SPRED2: variants seen among roughly 807,000 people sequenced by gnomAD.
SPRED2 encodes sprouty related EVH1 domain containing 2.
SPRED2 carries 47 observed loss-of-function variants against 43.0 expected under a neutral mutation model. That is an observed-to-expected ratio of 1.09 (90% CI 0.87 to 1.40). The LOEUF is 1.40. Ranked by LOEUF, SPRED2 falls within the 40% of genes most tolerant of loss-of-function variation. The pLI, the probability that SPRED2 is intolerant of heterozygous loss-of-function variation, is 0.00. For synonymous variants in SPRED2, 225 were observed against 225.7 expected (o/e 1.00, Z 0.03); for missense variants, 561 against 586.4 (o/e 0.96, Z 0.45).
chr2:65,362,279 G>GT (rs1171393135), intron 1 of SPRED2, among the ~76,000 whole-genome samples: 7 of 151,102 alleles, frequency 4.6e-5, no homozygotes, highest in South Asian at 2.1e-4. Flanking sequence ...TTTTGTTTTT[G>GT]TTTTTTTTGA....
At position 65,312,466 on chromosome 2, in the gene SPRED2, C is replaced by G. The variant is rs555573517; in HGVS notation, c.*1035G>C. The G allele has an allele frequency of 2.8e-5, 28 of 985,392 alleles. 1 individual carries two copies. The East Asian group carries it at 2.8e-3, about 100-fold the overall frequency. The allele number at this position is 985,392 out of a possible 1,614,324, so 61.0% of individuals were successfully genotyped here. A position where few individuals can be genotyped will look rare whatever the true frequency, so the allele number is the denominator to read the frequency against. On this transcript the variant is annotated 3_prime_UTR_variant, in exon 6 of 6. Transcript: ENST00000356388. ...ATAGCCAGGGGTTGGGGGGAAGAAG[C>G]TCCCTATGGTTTTATTCACCATAAC...
chr2:65,319,683 A>C (rs1391008407), intron 4 of SPRED2, among the ~76,000 whole-genome samples: 7 of 149,458 alleles, frequency 4.7e-5, no homozygotes, highest in African/African-American at 1.2e-4. Context: ...CTCACAAACA[A>C]CTCTTCTTGG....
intron 1 of SPRED2, among the ~76,000 whole-genome samples, chr2:65,352,945 G>T (rs916250701): frequency 6.6e-6 from 1 of 152,152 alleles, no homozygotes; most frequent in Non-Finnish European, 1.5e-5. Context: ...TTAAAAATAT[G>T]TTATCTTCAT....
At chr2:65,397,104 A>C (rs1477158831) in intron 1 of SPRED2, among the ~76,000 whole-genome samples, 1 of 152,244 alleles carries the variant, frequency 6.6e-6, no homozygotes. Context: ...CCATCAGAAA[A>C]GGGAAAAGGA....
In SPRED2 at chr2:65,361,485, T is replaced by A. The variant is rs528706126; in HGVS notation, c.27-16589A>T. On this transcript the variant is annotated intron_variant, in intron 1 of 5. Coordinates refer to ENST00000356388, the MANE Select transcript of SPRED2 (RefSeq NM_181784.3). ...TAATCCTTAGGCAGTTCTACTTTAA[T>A]AGAAAGAACACTTACAATGTCTACA... 2.6e-5 allele frequency among the ~76,000 whole-genome samples: 4 copies of A among 152,380 alleles called. No individual in the cohort carries two copies. In the East Asian group the frequency reaches 7.7e-4, roughly 29 times the overall value.
At position 65,313,197 on chromosome 2, in the gene SPRED2, T is replaced by G. The variant is rs749065824; in HGVS notation, c.*304A>C. The stretch of plus-strand genomic sequence containing the variant: ...AGGAAACAGGAAATCAACACATGGA[T>G]GAGACAGTTAGCTTGGTTACAGATT... On this transcript the variant is annotated 3_prime_UTR_variant, in exon 6 of 6. Coordinates refer to ENST00000356388, the MANE Select transcript of SPRED2 (RefSeq NM_181784.3). The G allele has an allele frequency of 2.0e-5, 22 of 1,101,536 alleles. No homozygotes were observed. The highest frequency in any genetic ancestry group is 2.4e-5 in the Non-Finnish European group (22 of 904,616). 68.2% of individuals were successfully genotyped at this position (1,101,536 alleles called of 1,614,324 possible). A position where few individuals can be genotyped will look rare whatever the true frequency, so the allele number is the denominator to read the frequency against.
intron 2 of SPRED2, among the ~76,000 whole-genome samples, chr2:65,335,099 T>G (rs1180955321): frequency 6.6e-6 from 1 of 152,220 alleles, no homozygotes; most frequent in Non-Finnish European, 1.5e-5. Flanking sequence ...TGCTTTTATG[T>G]TGGGGTTTTT....
At position 65,314,149 on chromosome 2, in the gene SPRED2, G is replaced by A. The variant is rs754217601; in HGVS notation, c.609C>T (p.Arg203=). The A allele has an allele frequency of 1.9e-6, 3 of 1,598,074 alleles. No homozygotes were observed. Among genetic ancestry groups the A allele is most frequent in the Admixed American group, 1.7e-5 (1 of 59,642 alleles). Residue 203 remains arginine, a synonymous_variant, in exon 6 of 6, where the codon CGC becomes CGT. Coordinates refer to ENST00000356388, the MANE Select transcript of SPRED2 (RefSeq NM_181784.3). ...HLDQPMPRPY[R]QVSFPDDDEE... is the part of the protein sequence containing the mutation. ...CGTCGTCGTCCGGGAAGCTCACCTG[G>A]CGGTAGGGCCTTGGCATCGGCTGTC...
At chr2:65,338,065 G>C (rs1572849683) in intron 2 of SPRED2, among the ~76,000 whole-genome samples, 1 of 152,168 alleles carries the variant, frequency 6.6e-6, no homozygotes, top group Admixed American at 6.6e-5. Context: ...ACTCAGTGGA[G>C]CACTATTTTT....
Position 65,338,454 on chromosome 2 carries a change from C to A in SPRED2, c.205-3681G>T, listed in dbSNP as rs908343393. ...CTGCGATTGCAGGCGCGCGCCGCCA[C>A]GCCTGACTGGTTTTTGTGTTTTTTT... is the stretch of plus-strand genomic sequence containing the variant. On this transcript the variant is annotated intron_variant, in intron 2 of 5. Coordinates refer to ENST00000356388, the MANE Select transcript of SPRED2 (RefSeq NM_181784.3). 5.7e-4 allele frequency among the ~76,000 whole-genome samples: 86 copies of A among 151,432 alleles called. 2 individuals carry two copies. In the East Asian group the frequency reaches 0.016, roughly 29 times the overall value.
In SPRED2 at chr2:65,322,292, A is replaced by ATTTTTTTT. The variant is rs1490204181; in HGVS notation, c.439-5410_439-5409insAAAAAAAA. 1.6e-4 allele frequency among the ~76,000 whole-genome samples: 11 copies of ATTTTTTTT among 70,790 alleles called. 1 individual carries two copies. The highest frequency in any genetic ancestry group is 6.5e-4 in the African/African-American group (9 of 13,898). The allele number at this position is 70,790 out of a possible 152,430, so 46.4% of individuals were successfully genotyped here. A position where few individuals can be genotyped will look rare whatever the true frequency, so the allele number is the denominator to read the frequency against. On this transcript the variant is annotated intron_variant, in intron 4 of 5. Transcript: ENST00000356388. ...TCTCTATATATATATATATATATAT[A>ATTTTTTTT]TATTTTTTTTTTTTTTTTTGAGACG...
intron 1 of SPRED2, among the ~76,000 whole-genome samples, chr2:65,384,162 G>A (rs763866076): frequency 2.6e-5 from 4 of 151,814 alleles, no homozygotes; most frequent in African/African-American, 4.8e-5. Context: ...GCCCAGAGCC[G>A]GCCTATCTCC....
At chr2:65,411,013 C>T (rs776125603) in intron 1 of SPRED2, among the ~76,000 whole-genome samples, 22 of 152,186 alleles carry the variant, frequency 1.4e-4, no homozygotes, top group Non-Finnish European at 1.3e-4. Context: ...TGTGGAAAAC[C>T]TATCAGAGGA....
At position 65,323,792 on chromosome 2, in the gene SPRED2, C is replaced by T. The variant is rs574715213; in HGVS notation, c.439-6909G>A. On this transcript the variant is annotated intron_variant, in intron 4 of 5. Coordinates refer to ENST00000356388, the MANE Select transcript of SPRED2 (RefSeq NM_181784.3). The stretch of plus-strand genomic sequence containing the variant: ...TCGGGAGGCTGAGGCAGGAGAATGG[C>T]GTGAACGTGGGAGGAAGAGGTTGCA... 1.9e-4 allele frequency among the ~76,000 whole-genome samples: 29 copies of T among 152,154 alleles called. No individual in the cohort carries two copies. In the East Asian group the frequency reaches 4.3e-3, roughly 22 times the overall value.
chr2:65,402,274 G>T (rs1241119735), intron 1 of SPRED2, among the ~76,000 whole-genome samples: 1 of 69,774 alleles, frequency 1.4e-5, no homozygotes, highest in Non-Finnish European at 2.4e-5. Context: ...GTGAGACTCT[G>T]TCTCAAAAAA....
In SPRED2 at chr2:65,432,386, G is replaced by A; in HGVS notation, c.-399C>T. On this transcript the variant is annotated 5_prime_UTR_variant, in exon 1 of 6. Coordinates refer to ENST00000356388, the MANE Select transcript of SPRED2 (RefSeq NM_181784.3). The stretch of plus-strand genomic sequence containing the variant: ...GCCGCGGGTGGGGGGGCTCAGTCCG[G>A]GGTCGCCCCCGGGGGGCCGGGCCAA... 5.5e-6 allele frequency: 1 copy of A among 182,442 alleles called. No homozygotes were observed. The highest frequency in any genetic ancestry group is 2.4e-3 in the Middle Eastern group (1 of 418). 11.3% of individuals were successfully genotyped at this position (182,442 alleles called of 1,614,324 possible). A position where few individuals can be genotyped will look rare whatever the true frequency, so the allele number is the denominator to read the frequency against.
At chr2:65,318,047 C>A (rs535693148) in intron 4 of SPRED2, among the ~76,000 whole-genome samples, 12 of 152,218 alleles carry the variant, frequency 7.9e-5, no homozygotes, top group African/African-American at 2.6e-4. Flanking sequence ...GTGGGAGGGA[C>A]CTGCTGGGAG....
chr2:65,376,490 G>A (rs1463441282), intron 1 of SPRED2, among the ~76,000 whole-genome samples: 1 of 151,940 alleles, frequency 6.6e-6, no homozygotes, highest in Non-Finnish European at 1.5e-5. Flanking sequence ...ATATTGATTT[G>A]ATTCATAAAT....
chr2:65,395,972 C>T (rs781373856), intron 1 of SPRED2, among the ~76,000 whole-genome samples: 18 of 152,174 alleles, frequency 1.2e-4, no homozygotes, highest in Non-Finnish European at 2.2e-4. Context: ...ATCTTTTGCT[C>T]TGGCTAAAGC....
Sources: gnomAD v4.1 joint callset for allele counts (sites outside exome capture counted in the v4.1 genomes callset) on GRCh38, gnomAD v4.1.1 for gene constraint, MANE v1.5 for transcripts, NCBI Gene and HGNC (gene_info 2026-07-23, HGNC 2026-07-21) for gene names.